ZNF491: variants seen among roughly 807,000 people sequenced by gnomAD.
ZNF491 encodes the protein zinc finger protein 491.
ZNF491 carries 22 observed loss-of-function variants against 34.7 expected under a neutral mutation model. The ratio of observed to expected loss-of-function variants is 0.63; its 90% CI spans 0.45 to 0.90. ZNF491 has a LOEUF of 0.90. Ranked by LOEUF, ZNF491 falls within the 40% of genes least tolerant of loss-of-function variation. The pLI is 0.00. For missense variants in ZNF491, 559 were observed against 531.7 expected, an observed-to-expected ratio of 1.05 and a Z score of -0.51; for synonymous variants, 148 against 174.3, an observed-to-expected ratio of 0.85 and a Z score of 1.19.
At chr19:11,802,479 T>C (rs1664842524) in intron 1 of ZNF491, among the ~76,000 whole-genome samples, 1 of 152,238 alleles carries the variant, frequency 6.6e-6, no homozygotes, top group South Asian at 2.1e-4. Context: ...GTGTGTTCCC[T>C]TGCACAAAAG....
chr19:11,801,168 T>G (rs1470411798), intron 1 of ZNF491, among the ~76,000 whole-genome samples: 1 of 152,190 alleles, frequency 6.6e-6, no homozygotes, highest in East Asian at 1.9e-4. Context: ...AGAGACCCCG[T>G]CTCTATTAAA....
At chr19:11,804,241 C>T (rs1975586080) in intron 1 of ZNF491, among the ~76,000 whole-genome samples, 2 of 149,454 alleles carry the variant, frequency 1.3e-5, no homozygotes, top group Non-Finnish European at 3.0e-5. Flanking sequence ...GATCAAGGCA[C>T]TGGCAGGTAC....
intron 1 of ZNF491, chr19:11,799,210 C>T (rs1390373962): frequency 6.6e-6 from 1 of 152,196 alleles, no homozygotes; most frequent in Non-Finnish European, 1.5e-5. Flanking sequence ...GGATTAAATA[C>T]TTGATTAGTT....
intron 1 of ZNF491, among the ~76,000 whole-genome samples, chr19:11,799,944 TAGTC>T (rs1230969415): frequency 1.3e-4 from 19 of 151,382 alleles, no homozygotes; most frequent in African/African-American, 2.4e-4. Context: ...AAAAAAAAAT[TAGTC>T]AGGTATGATG....
At position 11,798,551 on chromosome 19, in the gene ZNF491, G is replaced by T. The variant is rs1350458599; in HGVS notation, c.-310G>T. The T allele has an allele frequency of 6.6e-6, 1 of 152,396 alleles. No homozygotes were observed. The highest frequency in any genetic ancestry group is 2.4e-5 in the African/African-American group (1 of 41,454). 9.4% of individuals were successfully genotyped at this position (152,396 alleles called of 1,614,324 possible). A position where few individuals can be genotyped will look rare whatever the true frequency, so the allele number is the denominator to read the frequency against. Reference sequence around the variant, plus strand: ...TGTCAATCCGGGGAAGCAGAAGGCCGCACTCAGAGTCTCTGCACTCCTTTG... The same window carrying T: ...TGTCAATCCGGGGAAGCAGAAGGCCTCACTCAGAGTCTCTGCACTCCTTTG... On this transcript the variant is annotated 5_prime_UTR_variant, in exon 1 of 3. Coordinates refer to ENST00000323169, the MANE Select transcript of ZNF491 (RefSeq NM_152356.4). This position sits in a 1 kb window ranked among gnomAD's most constrained non-coding sequence, Gnocchi z 4.0.
chr19:11,804,738 G>T, intron 2 of ZNF491, 71 bp downstream of exon 2: 1 of 816,546 alleles, frequency 1.2e-6, no homozygotes, highest in Non-Finnish European at 1.6e-6. Context: ...GTGCTATTCA[G>T]GGATTTGGAA....
intron 2 of ZNF491, among the ~76,000 whole-genome samples, chr19:11,805,302 G>A (rs1005430356): frequency 1.3e-5 from 2 of 151,844 alleles, no homozygotes; most frequent in Admixed American, 6.6e-5. Flanking sequence ...CCAGCTACTC[G>A]GGAGGTTGAG....
In ZNF491 at chr19:11,798,889, G is replaced by A. The variant is rs540783147; in HGVS notation, c.-134+162G>A. ...GGCCCTCGGTCCGCTCGGCCGCCAG[G>A]TGGGGCTGGGCCCGCAGCTGGGACC... On this transcript the variant is annotated intron_variant, in intron 1 of 2. Coordinates refer to ENST00000323169, the MANE Select transcript of ZNF491 (RefSeq NM_152356.4). The surrounding 1 kb of genome is among the most constrained non-coding windows in gnomAD (Gnocchi z 4.0). 6.6e-6 allele frequency among the ~76,000 whole-genome samples: 1 copy of A among 152,318 alleles called. No individual in the cohort carries two copies. The highest frequency in any genetic ancestry group is 1.9e-4 in the East Asian group (1 of 5,162).
Position 11,807,069 on chromosome 19 carries a change from A to T in ZNF491, c.1116A>T (p.Arg372Ser). 2 of 1,606,994 alleles carry T rather than the reference A, an allele frequency of 1.2e-6. No homozygotes were observed. The highest frequency in any genetic ancestry group is 1.7e-6 in the Non-Finnish European group (2 of 1,177,698). ...TTCATTGTGTCAGCTCCTTTCATAG[A>T]CATGAAAGGACTCACGCTGGAGAAA... ...KAFHCVSSFH[R>S]HERTHAGEKP... Residue 372 changes from arginine (R) to serine (S), a missense_variant, in exon 3 of 3, where the codon AGA becomes AGT. Physicochemically the swap from Arg to Ser is moderately radical, Grantham distance 110 (BLOSUM62 -1). Coordinates refer to ENST00000323169, the MANE Select transcript of ZNF491 (RefSeq NM_152356.4).
chr19:11,802,805 C>T (rs1975570371), intron 1 of ZNF491, among the ~76,000 whole-genome samples: 1 of 152,118 alleles, frequency 6.6e-6, no homozygotes, highest in Non-Finnish European at 1.5e-5. Context: ...TTTGTGAACA[C>T]ACATTTTCAA....
At chr19:11,802,421 T>C (rs1568232565) in intron 1 of ZNF491, among the ~76,000 whole-genome samples, 1 of 152,194 alleles carries the variant, frequency 6.6e-6, no homozygotes, top group Non-Finnish European at 1.5e-5. Context: ...ATATATGACT[T>C]ACCAACATTT....
chr19:11,806,470 T>A lies in ZNF491; in HGVS notation c.517T>A (p.Ser173Thr), dbSNP rs1341675608. ...QCGKAFSWHS[S>T]VRIHERTHTG... ...TGGTAAAGCCTTCAGTTGGCACAGT[T>A]CTGTTCGAATCCATGAAAGAACTCA... is the stretch of plus-strand genomic sequence containing the variant. Residue 173 changes from serine (S) to threonine (T), a missense_variant, in exon 3 of 3, where the codon TCT (serine) becomes ACT (threonine). Transcript: ENST00000323169. 6.2e-7 allele frequency: 1 copy of A among 1,613,844 alleles called. No homozygotes were observed. Among genetic ancestry groups the A allele is most frequent in the Non-Finnish European group, 8.5e-7 (1 of 1,179,892 alleles).
At chr19:11,804,999 A>G (rs1266532092) in intron 2 of ZNF491, among the ~76,000 whole-genome samples, 1 of 152,234 alleles carries the variant, frequency 6.6e-6, no homozygotes, top group African/African-American at 2.4e-5. Context: ...AGAAGCCAAC[A>G]AAAGAAATAA....
At chr19:11,800,455 CACAG>C (rs915216054) in intron 1 of ZNF491, among the ~76,000 whole-genome samples, 21 of 151,966 alleles carry the variant, frequency 1.4e-4, no homozygotes, top group East Asian at 1.9e-4. Context: ...ATCATTTTTC[CACAG>C]ACAAATGAAT....
intron 1 of ZNF491, 105 bp from the exon 2 acceptor site, chr19:11,804,437 A>C: frequency 1.5e-6 from 2 of 1,333,690 alleles, no homozygotes; most frequent in East Asian, 3.2e-5. Flanking sequence ...GCAGGGAATA[A>C]ATGTTTGGAG....
rs1224772010 is a variant in ZNF491, at chr19:11,808,185, T to A, written c.*918T>A. 6.3e-6 allele frequency: 1 copy of A among 158,002 alleles called. No homozygotes were observed. The highest frequency in any genetic ancestry group is 1.5e-5 in the Non-Finnish European group (1 of 68,052). The allele number at this position is 158,002 out of a possible 1,614,324, so 9.8% of individuals were successfully genotyped here. ...GATCACGAGGTCAGGAGTTTGAGAC[T>A]AGCCTGGCCAACACAGTGAAACCCC... On this transcript the variant is annotated 3_prime_UTR_variant, in exon 3 of 3. Transcript: ENST00000323169.
Position 11,800,357 on chromosome 19 carries a change from A to G in ZNF491, c.-134+1630A>G, listed in dbSNP as rs567960072. Among the ~76,000 whole-genome samples, 11 of 152,246 alleles carry G rather than the reference A, an allele frequency of 7.2e-5. No individual in the cohort carries two copies. In the South Asian group the frequency reaches 1.0e-3, roughly 14 times the overall value. Reference sequence around the variant, plus strand: ...CCTAAATTTCTGGTTTTCTCCTCACATTCAAAAACACCAACTTCCCCTCGC... The same window carrying G: ...CCTAAATTTCTGGTTTTCTCCTCACGTTCAAAAACACCAACTTCCCCTCGC... On this transcript the variant is annotated intron_variant, in intron 1 of 2. Coordinates refer to ENST00000323169, the MANE Select transcript of ZNF491 (RefSeq NM_152356.4).
chr19:11,806,257 C>A lies in ZNF491; in HGVS notation c.304C>A (p.Pro102Thr), dbSNP rs139676501. 1.0e-5 allele frequency: 16 copies of A among 1,607,704 alleles called. No individual in the cohort carries two copies. The African/African-American group carries it at 2.0e-4, about 20-fold the overall frequency. The change falls in exon 3 of 3, where the codon CCT (proline) becomes ACT (threonine). Residue 102 changes from proline (P) to threonine (T), a missense_variant. Physicochemically the swap from Pro to Thr is conservative, Grantham distance 38. Transcript: ENST00000323169. Reference sequence around the variant, plus strand: ...TGAAAGGCCTCACACTAGAGAGAAACCTTTTGATTGTAAGGAATGTGAAAA... The same window carrying A: ...TGAAAGGCCTCACACTAGAGAGAAAACTTTTGATTGTAAGGAATGTGAAAA... ...THERPHTREK[P>T]FDCKECEKSF...
chr19:11,807,499 A>C lies in ZNF491; in HGVS notation c.*232A>C, dbSNP rs1975631959. The C allele has an allele frequency of 2.5e-6, 1 of 406,952 alleles. No individual in the cohort carries two copies. Among genetic ancestry groups the C allele is most frequent in the Admixed American group, 4.0e-5 (1 of 25,038 alleles). The allele number at this position is 406,952 out of a possible 1,614,324, so 25.2% of individuals were successfully genotyped here. On this transcript the variant is annotated 3_prime_UTR_variant, in exon 3 of 3. Transcript: ENST00000323169. The stretch of plus-strand genomic sequence containing the variant: ...GAGGAAGGCCTTAGTCACATTTTAG[A>C]GCCAGCCAAATTCACATGGGCTGTG...
Sources: allele counts gnomAD v4.1 joint callset (sites outside exome capture counted in the v4.1 genomes callset), GRCh38; gene constraint gnomAD v4.1.1; non-coding constraint Gnocchi (gnomAD v3.1); transcripts MANE v1.5; gene names NCBI Gene and HGNC (gene_info 2026-07-23, HGNC 2026-07-21).